Variants in IL1RAPL1 observed in about 807,000 individuals in gnomAD.
IL1RAPL1 encodes the protein interleukin 1 receptor accessory protein like 1, also known as interleukin-1 receptor accessory protein-like 1.
IL1RAPL1 carries 3 observed loss-of-function variants against 48.4 expected under a neutral mutation model. The observed-to-expected ratio is 0.06, with a 90% CI of 0.03 to 0.16. The LOEUF (loss-of-function observed/expected upper bound fraction) is 0.16, where lower values mean the gene tolerates loss of function less well. Ranked by LOEUF, IL1RAPL1 falls within the 10% of genes least tolerant of loss-of-function variation. The pLI is 1.00. For missense variants in IL1RAPL1, 349 were observed against 530.6 expected, an observed-to-expected ratio of 0.66 and a Z score of 3.36; for synonymous variants, 185 against 187.7, an observed-to-expected ratio of 0.99 and a Z score of 0.12.
At chrX:29,640,066 G>C (rs1925117678) in intron 5 of IL1RAPL1, among the ~76,000 whole-genome samples, 1 of 111,865 alleles carries the variant, frequency 8.9e-6, no homozygotes, top group Non-Finnish European at 1.9e-5. Context: ...TACGGAGGTT[G>C]GTGTCATGCT....
intron 3 of IL1RAPL1, among the ~76,000 whole-genome samples, chrX:29,332,653 ATTTT>A (rs1166480434): frequency 7.6e-5 from 5 of 65,633 alleles, no homozygotes; most frequent in African/African-American, 2.3e-4. Context: ...TATTTATTTT[ATTTT>A]TTTTTTTTTA....
intron 2 of IL1RAPL1, among the ~76,000 whole-genome samples, chrX:28,882,911 A>C (rs188878633): frequency 8.9e-6 from 1 of 112,206 alleles, no homozygotes; most frequent in East Asian, 2.8e-4. Flanking sequence ...AATTTAAAAT[A>C]CAAAACCATT....
chrX:28,714,829 T>C (rs1267935443), intron 1 of IL1RAPL1, among the ~76,000 whole-genome samples: 1 of 112,174 alleles, frequency 8.9e-6, no homozygotes. Flanking sequence ...ATGTGCCTTG[T>C]ATTGTGCATG....
chrX:29,460,212 C>T (rs1247331757), intron 5 of IL1RAPL1, among the ~76,000 whole-genome samples: 1 of 111,992 alleles, frequency 8.9e-6, no homozygotes, highest in Admixed American at 9.5e-5. Flanking sequence ...GATCCCTGTG[C>T]CCAGTGCTTC....
chrX:29,802,781 A>ATATATG (rs1555922107), intron 6 of IL1RAPL1, among the ~76,000 whole-genome samples: 4 of 32,635 alleles, frequency 1.2e-4, no homozygotes, highest in Admixed American at 4.1e-4. Context: ...ATATATATAT[A>ATATATG]TGTGTGTGTG....
intron 1 of IL1RAPL1, among the ~76,000 whole-genome samples, chrX:28,759,824 C>A (rs777230300): frequency 9.0e-6 from 1 of 111,241 alleles, no homozygotes; most frequent in South Asian, 3.8e-4. Context: ...TGAACCACTG[C>A]TAAATCTTGG....
intron 9 of IL1RAPL1, 42 bp from the exon 10 acceptor site, chrX:29,954,480 G>T: frequency 9.3e-7 from 1 of 1,080,135 alleles, no homozygotes; most frequent in Admixed American, 2.2e-5. Context: ...TGTTATCTTT[G>T]TAGAGTAGTG....
At chrX:28,609,713 ACT>A (rs1385543522) in intron 1 of IL1RAPL1, among the ~76,000 whole-genome samples, 1 of 104,932 alleles carries the variant, frequency 9.5e-6, no homozygotes, top group Non-Finnish European at 2.0e-5. Flanking sequence ...TGCCTAGAAA[ACT>A]CTTACTCATC....
rs1409983379 is a variant in IL1RAPL1, at chrX:28,721,497, C to T, written c.-24-67823C>T. ...TCTTTGTGGATTCTGGATATTAGCC[C>T]TTTGTCAGATGAGTAGATTGCAAAA... On this transcript the variant is annotated intron_variant, in intron 1 of 10. Transcript: ENST00000378993. 5.4e-5 allele frequency among the ~76,000 whole-genome samples: 6 copies of T among 111,385 alleles called. No homozygotes were observed. The South Asian group carries it at 2.3e-3, about 42-fold the overall frequency.
chrX:29,518,810 G>C (rs960671391), intron 5 of IL1RAPL1, among the ~76,000 whole-genome samples: 1 of 111,838 alleles, frequency 8.9e-6, no homozygotes, highest in African/African-American at 3.3e-5. Flanking sequence ...ATGCTCCAAC[G>C]TACGTATTTA....
chrX:29,709,508 CTCTT>C lies in IL1RAPL1; in HGVS notation c.778+41006_778+41009del, dbSNP rs1254682391. On this transcript the variant is annotated intron_variant, in intron 6 of 10. Coordinates refer to ENST00000378993, the MANE Select transcript of IL1RAPL1 (RefSeq NM_014271.4). ...TATCCTGTTCCATTGGTCGATGTGT[CTCTT>C]TTTTTGTTTTGTTTTGTTTTGTTTT... 1.5e-3 allele frequency among the ~76,000 whole-genome samples: 167 copies of C among 110,598 alleles called. 2 individuals are homozygous for C. In the East Asian group the frequency reaches 0.032, roughly 22 times the overall value.
At chrX:28,729,046 C>T (rs750914601) in intron 1 of IL1RAPL1, among the ~76,000 whole-genome samples, 1 of 111,954 alleles carries the variant, frequency 8.9e-6, no homozygotes, top group Admixed American at 9.5e-5. Flanking sequence ...TTATCATTTG[C>T]TTATATCAAA....
chrX:29,911,717 G>C (rs766288021), intron 6 of IL1RAPL1, among the ~76,000 whole-genome samples: 2 of 111,872 alleles, frequency 1.8e-5, no homozygotes, highest in South Asian at 7.4e-4. Flanking sequence ...CTTGATGTTT[G>C]TGCTATTCCC....
In IL1RAPL1 at chrX:29,216,462, T is replaced by G. The variant is rs758390678; in HGVS notation, c.83-66476T>G. ...CATTTGCCTTGGCCTCCAAAAGTGC[T>G]GGAATTACAGGCATGAGACACTCTG... On this transcript the variant is annotated intron_variant, in intron 2 of 10. Transcript: ENST00000378993. Among the ~76,000 whole-genome samples, 236 of 111,549 alleles carry G rather than the reference T, an allele frequency of 2.1e-3. 2 individuals carry two copies. Among genetic ancestry groups the G allele is most frequent in the African/African-American group, 7.4e-3 (226 of 30,687 alleles).
At chrX:28,623,233 C>A (rs1446309461) in intron 1 of IL1RAPL1, among the ~76,000 whole-genome samples, 1 of 111,236 alleles carries the variant, frequency 9.0e-6, no homozygotes, top group African/African-American at 3.3e-5. Context: ...TCAGGTGAGA[C>A]TCTCTGAGAG....
At chrX:29,562,274 A>G (rs1265511035) in intron 5 of IL1RAPL1, among the ~76,000 whole-genome samples, 5 of 108,631 alleles carry the variant, frequency 4.6e-5, no homozygotes, top group East Asian at 5.8e-4. Flanking sequence ...TGCTGCCACC[A>G]TGCTCAGCCA....
chrX:28,779,352 G>T (rs1280575203), intron 1 of IL1RAPL1, among the ~76,000 whole-genome samples: 1 of 109,166 alleles, frequency 9.2e-6, no homozygotes, highest in Non-Finnish European at 1.9e-5. Flanking sequence ...AGTTGCTCCT[G>T]TTGATGATAA....
In IL1RAPL1 at chrX:29,349,363, G is replaced by T. The variant is rs147594148; in HGVS notation, c.363-46895G>T. On this transcript the variant is annotated intron_variant, in intron 3 of 10. Coordinates refer to ENST00000378993, the MANE Select transcript of IL1RAPL1 (RefSeq NM_014271.4). ...CCAGTTTGTACACAGATAGGACAGA[G>T]AGAAAGTTAGAGTAATATCTTTAAG... 9.5e-3 allele frequency among the ~76,000 whole-genome samples: 1,061 copies of T among 111,910 alleles called. 9 individuals are homozygous for T. Among genetic ancestry groups the T allele is most frequent in the African/African-American group, 0.033 (1,015 of 30,774 alleles).
intron 2 of IL1RAPL1, among the ~76,000 whole-genome samples, chrX:29,035,003 T>C (rs1160719909): frequency 1.8e-5 from 2 of 111,060 alleles, no homozygotes; most frequent in Non-Finnish European, 3.8e-5. Context: ...TACAGGTGCC[T>C]GCCACCACGC....
Sources: gnomAD v4.1 joint callset for allele counts (sites outside exome capture counted in the v4.1 genomes callset) on GRCh38, gnomAD v4.1.1 for gene constraint, MANE v1.5 for transcripts, NCBI Gene and HGNC (gene_info 2026-07-23, HGNC 2026-07-21) for gene names.